Variants in REV1 observed in about 807,000 individuals in gnomAD.
The protein encoded by REV1 is translesion synthesis protein REV1.
REV1 carries 42 observed loss-of-function variants against 137.4 expected under a neutral mutation model. The ratio of observed to expected loss-of-function variants is 0.31; its 90% confidence interval spans 0.24 to 0.40. The LOEUF is 0.40. Among genes scored for constraint, REV1 ranks in the 10% least tolerant of loss-of-function variants. REV1 has a pLI of 1.00. For missense variants in REV1, 1,282 were observed against 1,490.1 expected, an observed-to-expected ratio of 0.86 and a Z score of 2.30; for synonymous variants, 524 against 519.2, an observed-to-expected ratio of 1.01 and a Z score of -0.12.
chr2:99,406,182 A>G (rs1676270261), intron 16 of REV1, 76 bp from the exon 17 acceptor site: 2 of 1,400,262 alleles, frequency 1.4e-6, no homozygotes, highest in African/African-American at 1.5e-5. Context: ...CATTACAAAT[A>G]AAAAAACTTT....
rs1212089451 is a variant in REV1 at position 99,438,787 on chromosome 2, G to A, written c.1027C>T (p.Pro343Ser). The A allele has an allele frequency of 2.5e-6, 4 of 1,614,230 alleles. No individual in the cohort carries two copies. The highest frequency in any genetic ancestry group is 3.4e-6 in the Non-Finnish European group (4 of 1,180,038). Reference protein sequence around the residue: ...SKAAPSVPSKPSDCNFISNFY... With the variant: ...SKAAPSVPSKSSDCNFISNFY... ...TTTGAAATAAAATTGCAGTCTGAAG[G>A]TTTGGATGGCACTGAAGGTGCTGCC... Residue 343 changes from proline to serine, a missense_variant, in exon 6 of 23, where the codon CCT becomes TCT. Coordinates refer to ENST00000258428, the MANE Select transcript of REV1 (RefSeq NM_016316.4).
At chr2:99,412,197 C>CACTCCACCCTGGGCAACAAAGTGAG (rs572796748) in intron 13 of REV1, among the ~76,000 whole-genome samples, 28 of 144,568 alleles carry the variant, frequency 1.9e-4, no homozygotes, top group African/African-American at 7.2e-4. Context: ...TGCGCCACTG[C>CACTCCACCCTGGGCAACAAAGTGAG]ACTCCACCCT....
chr2:99,465,207 T>C (rs1208147790), intron 1 of REV1, among the ~76,000 whole-genome samples: 1 of 152,270 alleles, frequency 6.6e-6, no homozygotes, highest in Non-Finnish European at 1.5e-5. Flanking sequence ...TTGTAACTCT[T>C]ATATTTAAAA....
chr2:99,421,230 G>GA (rs149963012), intron 11 of REV1, among the ~76,000 whole-genome samples: 5,309 of 147,270 alleles, frequency 0.036, 153 homozygotes, highest in Non-Finnish European at 0.052. Flanking sequence ...TCACTTTTGG[G>GA]AAAAAAAAAA....
chr2:99,447,461 C>T (rs10865031), intron 4 of REV1, among the ~76,000 whole-genome samples: 65,562 of 151,870 alleles, frequency 0.43, 14,381 homozygotes, highest in Admixed American at 0.58. Flanking sequence ...TGAGCCACCG[C>T]GCCCAGCCAA....
chr2:99,485,416 A>G (rs1209610201), intron 1 of REV1, among the ~76,000 whole-genome samples: 2 of 152,254 alleles, frequency 1.3e-5, no homozygotes, highest in Non-Finnish European at 2.9e-5. Context: ...TCTGAGGGGA[A>G]AAACCCAGTG....
At chr2:99,416,226 T>C (rs1379849616) in intron 12 of REV1, among the ~76,000 whole-genome samples, 3 of 152,260 alleles carry the variant, frequency 2.0e-5, no homozygotes, top group Non-Finnish European at 4.4e-5. Flanking sequence ...TGTATATTTA[T>C]CACCAAATAT....
chr2:99,479,703 G>A (rs1261415171), intron 1 of REV1, among the ~76,000 whole-genome samples: 3 of 151,898 alleles, frequency 2.0e-5, no homozygotes, highest in East Asian at 1.9e-4. Context: ...TGGGAGGATC[G>A]CTTGAGCCTG....
intron 8 of REV1, chr2:99,431,714 G>A (rs530091288): frequency 3.0e-6 from 3 of 985,218 alleles, no homozygotes; most frequent in South Asian, 4.7e-5. Context: ...CAGCACCATC[G>A]TGTTCCTCTC....
At chr2:99,409,060 A>C (rs915262688) in intron 14 of REV1, among the ~76,000 whole-genome samples, 2 of 152,182 alleles carry the variant, frequency 1.3e-5, no homozygotes, top group African/African-American at 4.8e-5. Context: ...AGGTCAAGGC[A>C]AAAGGATTGT....
chr2:99,426,385 TATC>T, intron 9 of REV1, among the ~76,000 whole-genome samples: 1 of 151,608 alleles, frequency 6.6e-6, no homozygotes. Flanking sequence ...TCCCTATAAA[TATC>T]ATGTTCTTAT....
At chr2:99,407,675 A>G (rs767181996) in intron 15 of REV1, among the ~76,000 whole-genome samples, 1 of 152,172 alleles carries the variant, frequency 6.6e-6, no homozygotes, top group Non-Finnish European at 1.5e-5. Flanking sequence ...GCAGATGCAG[A>G]GTATGTTTCT....
intron 21 of REV1, 135 bp from the exon 22 acceptor site, chr2:99,402,481 T>C: frequency 1.2e-6 from 1 of 859,462 alleles, no homozygotes; most frequent in Non-Finnish European, 1.8e-6. Context: ...CTTTGTTACT[T>C]TTCAAAGCAA....
intron 1 of REV1, among the ~76,000 whole-genome samples, chr2:99,483,372 T>C (rs1394039576): frequency 2.0e-5 from 3 of 152,196 alleles, no homozygotes; most frequent in East Asian, 1.9e-4. Flanking sequence ...CTCCAAAAAG[T>C]TCATTTTAGC....
intron 5 of REV1, among the ~76,000 whole-genome samples, chr2:99,440,283 G>GGAATGTCC (rs1434683330): frequency 1.3e-5 from 2 of 152,170 alleles, no homozygotes; most frequent in African/African-American, 2.4e-5. Flanking sequence ...ATTCTACTTA[G>GGAATGTCC]GAATGTCCAA....
At chr2:99,485,586 T>C (rs746429798) in intron 1 of REV1, among the ~76,000 whole-genome samples, 3 of 152,198 alleles carry the variant, frequency 2.0e-5, no homozygotes, top group Non-Finnish European at 2.9e-5. Context: ...CCAGCTGAAC[T>C]TCAAAGGGAA....
At chr2:99,448,934 T>C (rs1404946354) in intron 4 of REV1, among the ~76,000 whole-genome samples, 1 of 152,158 alleles carries the variant, frequency 6.6e-6, no homozygotes, top group Non-Finnish European at 1.5e-5. Flanking sequence ...GGTAGTGTTG[T>C]TTAAGACATT....
chr2:99,489,042 G>A (rs1313533066), intron 1 of REV1, among the ~76,000 whole-genome samples: 2 of 152,208 alleles, frequency 1.3e-5, no homozygotes, highest in Non-Finnish European at 2.9e-5. Flanking sequence ...TGTTATGTGA[G>A]ATTATTTCTT....
intron 6 of REV1, among the ~76,000 whole-genome samples, chr2:99,437,557 A>G (rs906912638): frequency 1.3e-5 from 2 of 152,240 alleles, no homozygotes; most frequent in Non-Finnish European, 2.9e-5. Flanking sequence ...TCAAAATATC[A>G]TATAAACATA....
Sources: gnomAD v4.1 joint callset for allele counts (sites outside exome capture counted in the v4.1 genomes callset) on GRCh38, gnomAD v4.1.1 for gene constraint, MANE v1.5 for transcripts, NCBI Gene and HGNC (gene_info 2026-07-23, HGNC 2026-07-21) for gene names.